The following TACC2 variants were observed in gnomAD, a reference collection of about 807,000 sequenced individuals.
The protein encoded by TACC2 is transforming acidic coiled-coil containing protein 2.
TACC2 carries 137 observed loss-of-function variants against 227.3 expected under a neutral mutation model. The observed-to-expected ratio is 0.60, with a 90% CI of 0.52 to 0.69. The LOEUF is 0.69. Among genes scored for constraint, TACC2 ranks in the 30% least tolerant of loss-of-function variants. The probability of loss-of-function intolerance (pLI) is 0.00; values close to 1 mark genes in which losing one functional copy is unlikely to be tolerated. For synonymous variants in TACC2, 1,523 were observed against 1,487.5 expected (o/e 1.02, Z -0.55); for missense variants, 3,470 against 3,694.4 (o/e 0.94, Z 1.57).
At chr10:122,022,135 A>T (rs1283477204) in intron 2 of TACC2, 121 bp downstream of exon 2, 2 of 929,536 alleles carry the variant, frequency 2.2e-6, no homozygotes, top group African/African-American at 1.6e-5. Context: ...TTCTGCGTAG[A>T]TGTGTGCGGG....
intron 8 of TACC2, among the ~76,000 whole-genome samples, chr10:122,204,413 G>A (rs887361553): frequency 6.6e-6 from 1 of 152,198 alleles, no homozygotes; most frequent in Non-Finnish European, 1.5e-5. Context: ...CTGCCTGGGG[G>A]ACTGTGGCCC....
chr10:122,076,356 C>A (rs1591735410), intron 3 of TACC2, among the ~76,000 whole-genome samples: 1 of 152,160 alleles, frequency 6.6e-6, no homozygotes, highest in Non-Finnish European at 1.5e-5. Context: ...CTCTTAAAGG[C>A]CCCCACCTTT....
intron 13 of TACC2, 32 bp downstream of exon 13, chr10:122,226,513 C>CAT (rs769825625): frequency 9.4e-6 from 14 of 1,482,458 alleles, no homozygotes; most frequent in Non-Finnish European, 1.3e-5. Flanking sequence ...AGTTACACAT[C>CAT]ATGCTGGATG....
chr10:122,111,471 A>G (rs1048982695), intron 5 of TACC2, among the ~76,000 whole-genome samples: 9 of 49,252 alleles, frequency 1.8e-4, no homozygotes, highest in African/African-American at 3.3e-4. Context: ...CCACAAATGG[A>G]TATGACCCAC....
At chr10:122,229,232 T>C in intron 14 of TACC2, 114 bp from the exon 15 acceptor site, 1 of 1,256,446 alleles carries the variant, frequency 8.0e-7, no homozygotes, top group Non-Finnish European at 1.1e-6. Context: ...ATACTCTCTT[T>C]AGCCTCAAGG....
At chr10:122,012,127 G>A (rs977898322) in intron 1 of TACC2, among the ~76,000 whole-genome samples, 12 of 151,936 alleles carry the variant, frequency 7.9e-5, no homozygotes, top group African/African-American at 1.9e-4. Flanking sequence ...TAGTAAAGAT[G>A]GGGCTTCACC....
At chr10:122,220,887 C>T (rs1359669513) in intron 11 of TACC2, among the ~76,000 whole-genome samples, 1 of 152,184 alleles carries the variant, frequency 6.6e-6, no homozygotes, top group African/African-American at 2.4e-5. Flanking sequence ...AGGCTTGGAG[C>T]TGTTAGTGAC....
At chr10:122,239,164 C>T (rs1035268393) in intron 18 of TACC2, among the ~76,000 whole-genome samples, 9 of 151,984 alleles carry the variant, frequency 5.9e-5, no homozygotes, top group African/African-American at 1.9e-4. Flanking sequence ...CCACCATGCC[C>T]GGCTAATTTT....
chr10:122,077,468 G>A (rs771230821), intron 3 of TACC2, among the ~76,000 whole-genome samples: 1 of 151,940 alleles, frequency 6.6e-6, no homozygotes, highest in Non-Finnish European at 1.5e-5. Context: ...CCTGAGAAGC[G>A]AAGAGTGGAG....
intron 5 of TACC2, among the ~76,000 whole-genome samples, chr10:122,109,620 C>A (rs1592116202): frequency 6.6e-6 from 1 of 152,184 alleles, no homozygotes; most frequent in Admixed American, 6.6e-5. Flanking sequence ...AATTCCCTTT[C>A]CAGCTCTTGC....
chr10:122,073,106 CAAAAAAA>C (rs1164376721), intron 3 of TACC2, among the ~76,000 whole-genome samples: 1 of 19,408 alleles, frequency 5.2e-5, no homozygotes, highest in African/African-American at 2.3e-4. Context: ...GACTCTGTCT[CAAAAAAA>C]AAAAAAAAAA....
At chr10:122,139,399 G>A (rs1163747678) in intron 6 of TACC2, among the ~76,000 whole-genome samples, 1 of 152,244 alleles carries the variant, frequency 6.6e-6, no homozygotes, top group Non-Finnish European at 1.5e-5. Flanking sequence ...ATATCTGGAT[G>A]TGCCTGCCTC....
intron 6 of TACC2, among the ~76,000 whole-genome samples, chr10:122,136,400 C>A (rs189218558): frequency 6.6e-6 from 1 of 151,750 alleles, no homozygotes; most frequent in African/African-American, 2.4e-5. Flanking sequence ...GGGTGGGATG[C>A]GGAAGGAGGG....
At chr10:122,054,813 C>G (rs2076057005) in intron 3 of TACC2, among the ~76,000 whole-genome samples, 1 of 152,158 alleles carries the variant, frequency 6.6e-6, no homozygotes, top group Non-Finnish European at 1.5e-5. Context: ...GACACAAGAC[C>G]AAACAGATCT....
intron 3 of TACC2, among the ~76,000 whole-genome samples, chr10:122,069,274 C>T (rs1253529950): frequency 6.6e-6 from 1 of 151,978 alleles, no homozygotes; most frequent in Non-Finnish European, 1.5e-5. Context: ...CGGAGTCTCG[C>T]TCTGTCGCCC....
chr10:122,130,804 G>T (rs1206199542), intron 5 of TACC2, among the ~76,000 whole-genome samples: 1 of 152,130 alleles, frequency 6.6e-6, no homozygotes, highest in Non-Finnish European at 1.5e-5. Context: ...CAAATACAGT[G>T]CCATCTATAC....
At chr10:122,198,667 C>T (rs544471635) in intron 8 of TACC2, among the ~76,000 whole-genome samples, 3 of 152,324 alleles carry the variant, frequency 2.0e-5, no homozygotes, top group South Asian at 2.1e-4. Context: ...CATCTCACAG[C>T]GATAAGGGGA....
chr10:122,237,460 C>T lies in TACC2; in HGVS notation c.8193C>T (p.Thr2731=), dbSNP rs762281778. The part of the protein sequence containing the change: ...SKTALYSRIG[T]AEVEKPAGLL... ...CAGCCTTGTACTCCCGCATCGGGAC[C>T]GCTGAGGTGGAGAAACCTGCAGGCC... Residue 2731 remains threonine, a synonymous_variant, in exon 17 of 23, where the codon ACC becomes ACT. Coordinates refer to ENST00000369005, the MANE Select transcript of TACC2 (RefSeq NM_206862.4). 7 of 1,613,990 alleles carry T rather than the reference C, an allele frequency of 4.3e-6. No individual in the cohort carries two copies. Among genetic ancestry groups the T allele is most frequent in the African/African-American group, 2.7e-5 (2 of 74,906 alleles).
At chr10:122,107,866 A>G (rs1223449286) in intron 5 of TACC2, among the ~76,000 whole-genome samples, 1 of 87,994 alleles carries the variant, frequency 1.1e-5, no homozygotes, top group African/African-American at 3.9e-5. Flanking sequence ...AGTCCATTAT[A>G]TATATATATA....
Sources: gnomAD v4.1 joint callset for allele counts (sites outside exome capture counted in the v4.1 genomes callset) on GRCh38, gnomAD v4.1.1 for gene constraint, MANE v1.5 for transcripts, NCBI Gene and HGNC (gene_info 2026-07-23, HGNC 2026-07-21) for gene names.